PCED1B: variants seen among roughly 807,000 people sequenced by gnomAD.
PCED1B encodes the protein PC-esterase domain-containing protein 1B.
For missense variants in PCED1B, 573 were observed against 573.9 expected (o/e 1.00, Z 0.02); for synonymous variants, 251 against 246.1 (o/e 1.02, Z -0.19).
At chr12:47,134,766 G>T (rs1940281184) in intron 2 of PCED1B, among the ~76,000 whole-genome samples, 1 of 152,194 alleles carries the variant, frequency 6.6e-6, no homozygotes, top group Non-Finnish European at 1.5e-5. Context: ...TACTCGGGAA[G>T]CTGAGGCAGG....
At position 47,235,013 on chromosome 12, in the gene PCED1B, G is replaced by T. The variant is rs1943927403; in HGVS notation, c.-51G>T. On this transcript the variant is annotated 5_prime_UTR_variant, in exon 4 of 4. Coordinates refer to ENST00000546455, the MANE Select transcript of PCED1B (RefSeq NM_138371.3). ...TTCTCTCCTTCTGTCCTAGCCATCC[G>T]CAGAGCCATCCTGTGCAAAGGAAGG... is the stretch of plus-strand genomic sequence containing the variant. 1 of 1,471,756 alleles carries T rather than the reference G, an allele frequency of 6.8e-7. No homozygotes were observed. Among genetic ancestry groups the T allele is most frequent in the South Asian group, 1.4e-5 (1 of 69,514 alleles). 91.2% of individuals were successfully genotyped at this position (1,471,756 alleles called of 1,614,324 possible). A position where few individuals can be genotyped will look rare whatever the true frequency, so the allele number is the denominator to read the frequency against.
At chr12:47,096,138 C>T (rs376587382) in intron 1 of PCED1B, among the ~76,000 whole-genome samples, 6 of 152,092 alleles carry the variant, frequency 3.9e-5, no homozygotes, top group South Asian at 4.1e-4. Flanking sequence ...CTGAGCACTA[C>T]GTCTGTGCTT....
chr12:47,189,183 C>T (rs1304131385), intron 2 of PCED1B, among the ~76,000 whole-genome samples: 1 of 152,100 alleles, frequency 6.6e-6, no homozygotes, highest in Non-Finnish European at 1.5e-5. Context: ...GAAAGTGACC[C>T]TGAGAAGTTG....
intron 2 of PCED1B, chr12:47,187,870 G>A (rs1302402570): frequency 6.5e-6 from 1 of 153,924 alleles, no homozygotes; most frequent in Non-Finnish European, 1.5e-5. Flanking sequence ...TCAAAATGTA[G>A]AGGAAGACCC....
intron 2 of PCED1B, among the ~76,000 whole-genome samples, chr12:47,106,903 C>T (rs1938976954): frequency 6.6e-6 from 1 of 152,158 alleles, no homozygotes; most frequent in South Asian, 2.1e-4. Context: ...GCAGCCTTCC[C>T]TTTGTGGCAC....
intron 1 of PCED1B, among the ~76,000 whole-genome samples, chr12:47,097,634 G>A (rs534213577): frequency 6.6e-6 from 1 of 152,288 alleles, no homozygotes; most frequent in Non-Finnish European, 1.5e-5. Context: ...GAACTTCTCA[G>A]TGGTGAAATC....
At chr12:47,170,503 G>A (rs1193885288) in intron 2 of PCED1B, among the ~76,000 whole-genome samples, 1 of 144,782 alleles carries the variant, frequency 6.9e-6, no homozygotes, top group African/African-American at 2.7e-5. Context: ...GGATGGGGCG[G>A]CGGCCGGGCG....
chr12:47,084,466 C>T (rs896643188), intron 1 of PCED1B, among the ~76,000 whole-genome samples: 3 of 152,208 alleles, frequency 2.0e-5, no homozygotes, highest in Non-Finnish European at 2.9e-5. Context: ...GCAGTTACTC[C>T]TATTTCCCTT....
chr12:47,230,778 A>G (rs1943782837), intron 3 of PCED1B, among the ~76,000 whole-genome samples: 1 of 152,236 alleles, frequency 6.6e-6, no homozygotes, highest in Non-Finnish European at 1.5e-5. Flanking sequence ...TAATGTGTTC[A>G]GTGTAACTTG....
At chr12:47,160,465 C>A (rs1941342407) in intron 2 of PCED1B, among the ~76,000 whole-genome samples, 1 of 151,618 alleles carries the variant, frequency 6.6e-6, no homozygotes, top group South Asian at 2.1e-4. Flanking sequence ...CCATGTCCAG[C>A]TAATTTTTTA....
At chr12:47,127,369 CTTTTT>C (rs34788645) in intron 2 of PCED1B, among the ~76,000 whole-genome samples, 1 of 128,872 alleles carries the variant, frequency 7.8e-6, no homozygotes, top group Admixed American at 7.9e-5. Flanking sequence ...TTTTTTATTT[CTTTTT>C]TTTTTTTTTT....
chr12:47,142,852 T>C (rs1042654537), intron 2 of PCED1B, among the ~76,000 whole-genome samples: 1 of 147,116 alleles, frequency 6.8e-6, no homozygotes, highest in Non-Finnish European at 1.5e-5. Context: ...CAAATGAATT[T>C]ACAAATTATG....
chr12:47,189,213 A>T (rs1361358777), intron 2 of PCED1B, among the ~76,000 whole-genome samples: 1 of 152,152 alleles, frequency 6.6e-6, no homozygotes, highest in Non-Finnish European at 1.5e-5. Context: ...AAAAGCATGC[A>T]TTGTGTTTTT....
At chr12:47,189,914 G>T (rs1421867342) in intron 2 of PCED1B, among the ~76,000 whole-genome samples, 1 of 152,112 alleles carries the variant, frequency 6.6e-6, no homozygotes, top group Non-Finnish European at 1.5e-5. Context: ...CCAGGCTTGG[G>T]ATCCACAGAA....
At chr12:47,151,856 C>G (rs1233638262) in intron 2 of PCED1B, among the ~76,000 whole-genome samples, 3 of 152,172 alleles carry the variant, frequency 2.0e-5, no homozygotes, top group African/African-American at 7.2e-5. Flanking sequence ...TCTGGCCACT[C>G]AAATGTTAAT....
chr12:47,228,295 A>G (rs1344085062), intron 3 of PCED1B, among the ~76,000 whole-genome samples: 4 of 151,976 alleles, frequency 2.6e-5, no homozygotes, highest in Non-Finnish European at 5.9e-5. Context: ...CCCAAAGTGT[A>G]GAGATTACAG....
At position 47,171,228 on chromosome 12, in the gene PCED1B, C is replaced by T. The variant is rs546863727; in HGVS notation, c.-525-44994C>T. 7.9e-5 allele frequency among the ~76,000 whole-genome samples: 12 copies of T among 152,114 alleles called. No homozygotes were observed. In the South Asian group the frequency reaches 1.0e-3, roughly 13 times the overall value. ...GATTACAGGTATGCACCACCACGCC[C>T]GGCTAATTTTGTATTTTTAGTAGAG... is the stretch of plus-strand genomic sequence containing the variant. On this transcript the variant is annotated intron_variant, in intron 2 of 3. Transcript: ENST00000546455.
chr12:47,201,055 C>A (rs571102667), intron 2 of PCED1B, among the ~76,000 whole-genome samples: 4 of 152,162 alleles, frequency 2.6e-5, no homozygotes, highest in Admixed American at 2.6e-4. Flanking sequence ...TTTATTTAGC[C>A]GGCGGCCAAG....
chr12:47,091,234 C>T (rs185389990), intron 1 of PCED1B, among the ~76,000 whole-genome samples: 2 of 152,048 alleles, frequency 1.3e-5, no homozygotes, highest in African/African-American at 4.8e-5. Flanking sequence ...TAGCCATTTT[C>T]GTGGATAGCA....
Sources: gnomAD v4.1 joint callset for allele counts (sites outside exome capture counted in the v4.1 genomes callset) on GRCh38, gnomAD v4.1.1 for gene constraint, MANE v1.5 for transcripts, NCBI Gene and HGNC (gene_info 2026-07-23, HGNC 2026-07-21) for gene names.